Variants in ZNF407 observed in about 807,000 individuals in gnomAD.
The protein encoded by ZNF407 is zinc finger protein 407.
A neutral mutation model predicts 131.2 loss-of-function variants in ZNF407; 17 were observed. That is an observed-to-expected ratio of 0.13 (90% CI 0.09 to 0.19). The LOEUF (loss-of-function observed/expected upper bound fraction) is 0.19, where lower values mean the gene tolerates loss of function less well. ZNF407 is among the 10% of genes least tolerant of loss of function. ZNF407 has a pLI of 1.00. For missense variants in ZNF407, 2,681 were observed against 2,830.6 expected, an observed-to-expected ratio of 0.95 and a Z score of 1.20; for synonymous variants, 1,156 against 1,062.0, an observed-to-expected ratio of 1.09 and a Z score of -1.72.
intron 8 of ZNF407, among the ~76,000 whole-genome samples, chr18:74,953,820 G>T (rs1972244196): frequency 6.6e-6 from 1 of 152,294 alleles, no homozygotes; most frequent in East Asian, 1.9e-4. Context: ...CGGGAAATTT[G>T]TTTTTGATAG....
At chr18:74,829,891 C>T (rs1168222253) in intron 4 of ZNF407, among the ~76,000 whole-genome samples, 1 of 152,000 alleles carries the variant, frequency 6.6e-6, no homozygotes, top group Non-Finnish European at 1.5e-5. Context: ...GTTGTTTCTC[C>T]AAATATCCTG....
At chr18:75,012,960 A>G (rs2122185416) in intron 8 of ZNF407, among the ~76,000 whole-genome samples, 1 of 151,750 alleles carries the variant, frequency 6.6e-6, no homozygotes, top group South Asian at 2.1e-4. Context: ...TAAAAAAAAA[A>G]AAAAAAGGGT....
chr18:74,640,617 A>G (rs1329187660), intron 2 of ZNF407, among the ~76,000 whole-genome samples: 1 of 152,224 alleles, frequency 6.6e-6, no homozygotes, highest in Non-Finnish European at 1.5e-5. Flanking sequence ...TGCTTTTAAA[A>G]ATATCAGCTG....
chr18:75,044,348 A>T (rs1483624627), intron 8 of ZNF407, among the ~76,000 whole-genome samples: 1 of 151,950 alleles, frequency 6.6e-6, no homozygotes, highest in African/African-American at 2.4e-5. Flanking sequence ...TTTTAAAAAA[A>T]AAAACAGGTT....
At chr18:74,641,329 G>A (rs1984705996) in intron 3 of ZNF407, among the ~76,000 whole-genome samples, 1 of 152,062 alleles carries the variant, frequency 6.6e-6, no homozygotes. Flanking sequence ...GCAATTTTAT[G>A]GGCTACAAGG....
At chr18:74,765,985 C>G (rs531891418) in intron 3 of ZNF407, among the ~76,000 whole-genome samples, 1 of 151,250 alleles carries the variant, frequency 6.6e-6, no homozygotes, top group Admixed American at 6.6e-5. Context: ...ACATTTAGAG[C>G]CACTGTGATA....
At chr18:75,042,888 C>G (rs1973390061) in intron 8 of ZNF407, among the ~76,000 whole-genome samples, 1 of 152,200 alleles carries the variant, frequency 6.6e-6, no homozygotes. Context: ...CATGTTCCCT[C>G]CTGTCACCAA....
intron 3 of ZNF407, among the ~76,000 whole-genome samples, chr18:74,645,637 TTGTGTGTGTGTG>T (rs35047949): frequency 2.1e-4 from 31 of 145,292 alleles, no homozygotes; most frequent in Admixed American, 1.0e-3. Context: ...GTAAAACTCT[TTGTGTGTGTGTG>T]TGTGTGTGTG....
At chr18:75,006,916 C>A (rs1186575006) in intron 8 of ZNF407, among the ~76,000 whole-genome samples, 1 of 151,186 alleles carries the variant, frequency 6.6e-6, no homozygotes, top group Non-Finnish European at 1.5e-5. Context: ...GTAAATTGAA[C>A]TTTTTATCAA....
chr18:74,809,752 G>A (rs548250281), intron 4 of ZNF407, among the ~76,000 whole-genome samples: 2 of 152,328 alleles, frequency 1.3e-5, no homozygotes, highest in East Asian at 3.9e-4. Context: ...TACATACAAA[G>A]TCTCCATGTA....
intron 3 of ZNF407, among the ~76,000 whole-genome samples, chr18:74,650,312 C>T (rs1985168967): frequency 6.6e-6 from 1 of 152,116 alleles, no homozygotes; most frequent in Admixed American, 6.5e-5. Context: ...GTATCGTTTA[C>T]AATTGTTGGT....
At chr18:74,844,112 C>G (rs1323648636) in intron 4 of ZNF407, among the ~76,000 whole-genome samples, 1 of 152,212 alleles carries the variant, frequency 6.6e-6, no homozygotes, top group Non-Finnish European at 1.5e-5. Flanking sequence ...GTCCACCCCT[C>G]CAACCTTGAC....
At chr18:74,700,125 G>A (rs899815913) in intron 3 of ZNF407, among the ~76,000 whole-genome samples, 6 of 152,194 alleles carry the variant, frequency 3.9e-5, no homozygotes, top group South Asian at 4.1e-4. Flanking sequence ...ACTATGTTTC[G>A]TTGAATGGAA....
intron 8 of ZNF407, among the ~76,000 whole-genome samples, chr18:75,027,519 C>T (rs115831786): frequency 0.024 from 3,645 of 152,102 alleles, 160 homozygotes; most frequent in African/African-American, 0.081. Context: ...ATTTTGGAGA[C>T]AGAGGTGGTG....
intron 8 of ZNF407, among the ~76,000 whole-genome samples, chr18:74,961,691 G>A (rs1325920901): frequency 1.3e-5 from 2 of 150,730 alleles, no homozygotes; most frequent in African/African-American, 4.9e-5. Flanking sequence ...TTGCATTCCA[G>A]CCTGGCGACA....
intron 8 of ZNF407, among the ~76,000 whole-genome samples, chr18:74,973,152 G>GTGTA (rs550075573): frequency 1.8e-4 from 27 of 151,850 alleles, no homozygotes; most frequent in African/African-American, 4.4e-4. Context: ...GTGTGTGTGT[G>GTGTA]TATAAACATT....
intron 8 of ZNF407, among the ~76,000 whole-genome samples, chr18:74,929,200 T>C (rs551867411): frequency 6.6e-6 from 1 of 152,192 alleles, no homozygotes; most frequent in Admixed American, 6.5e-5. Flanking sequence ...CTTCCTTGAG[T>C]GTGCTGGCCA....
At chr18:74,919,596 G>A (rs1184533063) in intron 7 of ZNF407, among the ~76,000 whole-genome samples, 1 of 152,118 alleles carries the variant, frequency 6.6e-6, no homozygotes, top group Non-Finnish European at 1.5e-5. Flanking sequence ...AGGCCAGCAT[G>A]GTTTGTTTGT....
intron 3 of ZNF407, among the ~76,000 whole-genome samples, chr18:74,644,838 A>G (rs1984893257): frequency 6.6e-6 from 1 of 151,688 alleles, no homozygotes; most frequent in Non-Finnish European, 1.5e-5. Context: ...TTTTTGTAAT[A>G]TCTGTTTTTG....
Sources: allele counts gnomAD v4.1 joint callset (sites outside exome capture counted in the v4.1 genomes callset), GRCh38; gene constraint gnomAD v4.1.1; transcripts MANE v1.5; gene names NCBI Gene and HGNC (gene_info 2026-07-23, HGNC 2026-07-21).